PCDHGA5: variants seen among roughly 807,000 people sequenced by gnomAD.
PCDHGA5 encodes the protein protocadherin gamma-A5.
In PCDHGA5, 36 loss-of-function variants were observed where a neutral mutation model predicts 56.7. That is an observed-to-expected ratio of 0.64 (90% CI 0.49 to 0.84). The LOEUF is 0.84. PCDHGA5 is among the 40% of genes least tolerant of loss of function. The probability of loss-of-function intolerance (pLI) is 0.00; values close to 1 mark genes in which losing one functional copy is unlikely to be tolerated. For synonymous variants in PCDHGA5, 563 were observed against 520.2 expected (o/e 1.08, Z -1.12); for missense variants, 1,305 against 1,201.5 (o/e 1.09, Z -1.27).
chr5:141,427,429 G>A (rs2097025761), intron 1 of PCDHGA5: 1 of 471,078 alleles, frequency 2.1e-6, no homozygotes, highest in African/African-American at 2.0e-5. Flanking sequence ...GAGGTTACAT[G>A]CCTCATAAAC....
chr5:141,375,816 C>G, intron 1 of PCDHGA5: 2 of 1,614,194 alleles, frequency 1.2e-6, no homozygotes, highest in South Asian at 2.2e-5. Flanking sequence ...GTGGAGCTGG[C>G]GCCCCGCTCC....
At position 141,476,749 on chromosome 5, in the gene PCDHGA5, G is replaced by C; in HGVS notation, c.2422-18058G>C. On this transcript the variant is annotated intron_variant, in intron 1 of 3. Transcript: ENST00000518069. The surrounding 1 kb of genome is among the most constrained non-coding windows in gnomAD (Gnocchi z 7.6). ...ACCGAGAACGGGAGCCTAGTCTCCA[G>C]TTAGTGCTGACGGCGTTGGACGGAG... is the stretch of plus-strand genomic sequence containing the variant. 1.9e-6 allele frequency: 3 copies of C among 1,614,042 alleles called. No homozygotes were observed. The highest frequency in any genetic ancestry group is 2.5e-6 in the Non-Finnish European group (3 of 1,180,038).
In PCDHGA5 at chr5:141,491,410, G is replaced by T. The variant is rs777207581; in HGVS notation, c.2422-3397G>T. On this transcript the variant is annotated intron_variant, in intron 1 of 3. Transcript: ENST00000518069. The surrounding 1 kb of genome is among the most constrained non-coding windows in gnomAD (Gnocchi z 6.9). ...GTGCCTTCAGGGAAACGCAGACGGG[G>T]ACGGGGGTGGAGGGCAGTGCTGCAG... 28 of 1,614,142 alleles carry T rather than the reference G, an allele frequency of 1.7e-5. No individual in the cohort carries two copies. The highest frequency in any genetic ancestry group is 2.4e-5 in the Non-Finnish European group (28 of 1,180,034).
intron 1 of PCDHGA5, chr5:141,419,231 C>G (rs1309708358): frequency 2.5e-6 from 4 of 1,614,026 alleles, no homozygotes; most frequent in Admixed American, 1.7e-5. Context: ...GTCAGCCTAC[C>G]TGGTCCACGT....
chr5:141,490,998 C>T lies in PCDHGA5; in HGVS notation c.2422-3809C>T, dbSNP rs1284919124. 5 of 1,614,014 alleles carry T rather than the reference C, an allele frequency of 3.1e-6. No homozygotes were observed. The highest frequency in any genetic ancestry group is 1.7e-5 in the Admixed American group (1 of 60,016). On this transcript the variant is annotated intron_variant, in intron 1 of 3. Coordinates refer to ENST00000518069, the MANE Select transcript of PCDHGA5 (RefSeq NM_018918.3). The surrounding 1 kb of genome is among the most constrained non-coding windows in gnomAD (Gnocchi z 5.4). Reference sequence around the variant, plus strand: ...GTCTCCCTCGCTCTGCTCCTCCTGGCTCCTTGGTCACCAAGGTGACAGCCG... The same window carrying T: ...GTCTCCCTCGCTCTGCTCCTCCTGGTTCCTTGGTCACCAAGGTGACAGCCG...
At chr5:141,405,363 C>A (rs765508317) in intron 1 of PCDHGA5, 3 of 1,613,808 alleles carry the variant, frequency 1.9e-6, no homozygotes, top group South Asian at 1.1e-5. Context: ...ATAGAAGACA[C>A]CCCTTTGGTT....
chr5:141,416,759 C>T (rs1045872662), intron 1 of PCDHGA5: 2 of 152,130 alleles, frequency 1.3e-5, no homozygotes, highest in African/African-American at 4.8e-5. Flanking sequence ...TTAGGTAGAT[C>T]TCTTAATTTT....
chr5:141,404,862 C>A, intron 1 of PCDHGA5: 1 of 1,613,848 alleles, frequency 6.2e-7, no homozygotes, highest in Non-Finnish European at 8.5e-7. Context: ...GATAGAGATG[C>A]GCTCAAACAG....
Position 141,490,850 on chromosome 5 carries a change from G to A in PCDHGA5, c.2422-3957G>A, listed in dbSNP as rs374508743. The A allele has an allele frequency of 7.2e-5, 116 of 1,613,706 alleles. No homozygotes were observed. The highest frequency in any genetic ancestry group is 9.5e-5 in the Non-Finnish European group (112 of 1,179,902). ...ATGCTGCAGATTGTGGTGGGGGTTC[G>A]AGACTCCGGCTCTCCCCCATTGCAT... On this transcript the variant is annotated intron_variant, in intron 1 of 3. Transcript: ENST00000518069. This position sits in a 1 kb window ranked among gnomAD's most constrained non-coding sequence, Gnocchi z 5.4.
chr5:141,414,752 ATG>A, intron 1 of PCDHGA5: 2 of 1,614,228 alleles, frequency 1.2e-6, no homozygotes, highest in Non-Finnish European at 1.7e-6. Context: ...TCCTTCGACT[ATG>A]AGCAGTTTCA....
intron 1 of PCDHGA5, chr5:141,441,249 TA>T (rs981387539): frequency 6.6e-6 from 1 of 152,206 alleles, no homozygotes; most frequent in Non-Finnish European, 1.5e-5. Context: ...ACAAGATCTT[TA>T]AATCACAAGA....
chr5:141,463,438 CTTTTTTTT>C (rs71576115), intron 1 of PCDHGA5, among the ~76,000 whole-genome samples: 7 of 103,252 alleles, frequency 6.8e-5, no homozygotes, highest in East Asian at 2.4e-4. Flanking sequence ...TTTCCTTCTC[CTTTTTTTT>C]TTTTTTTTTT....
rs767983504 is a variant in PCDHGA5, at chr5:141,393,225, C to T, written c.2421+26474C>T. On this transcript the variant is annotated intron_variant, in intron 1 of 3. Coordinates refer to ENST00000518069, the MANE Select transcript of PCDHGA5 (RefSeq NM_018918.3). ...TAACCCAAAATTCCAGGTCGAAGATCTAGAAGTAAAAATTAACGAAATCGC... is the reference window on the plus strand; with the variant it reads ...TAACCCAAAATTCCAGGTCGAAGATTTAGAAGTAAAAATTAACGAAATCGC... 7 of 1,613,552 alleles carry T rather than the reference C, an allele frequency of 4.3e-6. No individual in the cohort carries two copies. The South Asian group carries it at 5.5e-5, about 13-fold the overall frequency.
intron 1 of PCDHGA5, chr5:141,387,709 A>G: frequency 2.0e-6 from 2 of 1,008,632 alleles, no homozygotes; most frequent in Non-Finnish European, 2.9e-6. Context: ...GGGCAGCCCC[A>G]GCTCAGACTC....
intron 1 of PCDHGA5, chr5:141,419,023 A>C: frequency 6.2e-7 from 1 of 1,613,958 alleles, no homozygotes; most frequent in East Asian, 2.2e-5. Context: ...GCTTAAGTAG[A>C]GGTGTTCCAT....
intron 1 of PCDHGA5, chr5:141,408,748 T>A (rs757813921): frequency 2.5e-6 from 4 of 1,608,714 alleles, no homozygotes; most frequent in Non-Finnish European, 3.4e-6. Flanking sequence ...CATTAATGGT[T>A]AGAGTTAATT....
In PCDHGA5 at chr5:141,370,640, G is replaced by A. The variant is rs1411940178; in HGVS notation, c.2421+3889G>A. 4.3e-6 allele frequency: 7 copies of A among 1,613,966 alleles called. No homozygotes were observed. In the East Asian group the frequency reaches 1.6e-4, roughly 36 times the overall value. On this transcript the variant is annotated intron_variant, in intron 1 of 3. Transcript: ENST00000518069. The stretch of plus-strand genomic sequence containing the variant: ...TCTTTACCGTGAGCCCCGAAAATGG[G>A]AACTTACTTGTGAGCGACCGTATAG...
At position 141,487,510 on chromosome 5, in the gene PCDHGA5, C is replaced by A; in HGVS notation, c.2422-7297C>A. On this transcript the variant is annotated intron_variant, in intron 1 of 3. Transcript: ENST00000518069. The surrounding 1 kb of genome is among the most constrained non-coding windows in gnomAD (Gnocchi z 5.0). ...GCTGTACACCCTTGGCTTCTGCACC[C>A]ACTCGGAGTGATAGCTTCATGATGG... is the stretch of plus-strand genomic sequence containing the variant. The A allele has an allele frequency of 6.2e-7, 1 of 1,614,210 alleles. No homozygotes were observed. Among genetic ancestry groups the A allele is most frequent in the Non-Finnish European group, 8.5e-7 (1 of 1,180,042 alleles).
intron 1 of PCDHGA5, chr5:141,415,216 A>C: frequency 6.2e-7 from 1 of 1,614,086 alleles, no homozygotes; most frequent in African/African-American, 1.3e-5. Flanking sequence ...GGACCTCGGC[A>C]GCTTCGAGTC....
Sources: allele counts gnomAD v4.1 joint callset (sites outside exome capture counted in the v4.1 genomes callset), GRCh38; gene constraint gnomAD v4.1.1; non-coding constraint Gnocchi (gnomAD v3.1); transcripts MANE v1.5; gene names NCBI Gene and HGNC (gene_info 2026-07-23, HGNC 2026-07-21).